ANKUB1: variants seen among roughly 807,000 people sequenced by gnomAD.
ANKUB1 encodes the protein protein ANKUB1.
A neutral mutation model predicts 49.3 loss-of-function variants in ANKUB1; 42 were observed. The ratio of observed to expected loss-of-function variants is 0.85; its 90% CI spans 0.67 to 1.10. The LOEUF (loss-of-function observed/expected upper bound fraction) is 1.10. ANKUB1 is among the 50% of genes least tolerant of loss of function. The pLI, the probability that ANKUB1 is intolerant of heterozygous loss-of-function variation, is 0.00. For synonymous variants in ANKUB1, 222 were observed against 231.0 expected (o/e 0.96, Z 0.35); for missense variants, 613 against 642.0 (o/e 0.95, Z 0.49).
intron 5 of ANKUB1, 135 bp from the exon 6 acceptor site, chr3:149,761,748 G>A: frequency 1.1e-6 from 1 of 949,000 alleles, no homozygotes; most frequent in Non-Finnish European, 1.5e-6. Flanking sequence ...ATGTGAAATA[G>A]AAACAGTAAT....
At chr3:149,765,781 G>T (rs1716985552) in intron 5 of ANKUB1, among the ~76,000 whole-genome samples, 1 of 152,106 alleles carries the variant, frequency 6.6e-6, no homozygotes, top group South Asian at 2.1e-4. Flanking sequence ...TATATTTCTA[G>T]AATTTTTGGT....
At chr3:149,784,844 A>G (rs1162654876) in intron 2 of ANKUB1, among the ~76,000 whole-genome samples, 1 of 152,196 alleles carries the variant, frequency 6.6e-6, no homozygotes, top group East Asian at 1.9e-4. Context: ...TGAATTGCAG[A>G]CAATCATATA....
chr3:149,781,578 C>T (rs1260809501), intron 2 of ANKUB1, among the ~76,000 whole-genome samples: 1 of 152,186 alleles, frequency 6.6e-6, no homozygotes, highest in Non-Finnish European at 1.5e-5. Flanking sequence ...TCAATGCTGT[C>T]TTGCCCCTCC....
chr3:149,764,310 A>C (rs1415565613), intron 5 of ANKUB1, among the ~76,000 whole-genome samples: 2 of 152,094 alleles, frequency 1.3e-5, no homozygotes, highest in East Asian at 3.8e-4. Context: ...GAGATTGTAG[A>C]TCTCTCCTTC....
At chr3:149,766,784 C>T (rs1460399316) in intron 5 of ANKUB1, 13 of 1,071,672 alleles carry the variant, frequency 1.2e-5, no homozygotes, top group South Asian at 1.2e-4. Flanking sequence ...AGCAACAGAA[C>T]GAGACCCTGT....
At chr3:149,764,616 T>TTTCCTTCCTCCCTCCCTCC (rs1716927687) in intron 5 of ANKUB1, among the ~76,000 whole-genome samples, 1 of 35,208 alleles carries the variant, frequency 2.8e-5, no homozygotes, top group Non-Finnish European at 5.2e-5. Context: ...CCCTCCCTCC[T>TTTCCTTCCTCCCTCCCTCC]CTCCTCCCTT....
At chr3:149,785,190 A>G (rs1356605299) in intron 2 of ANKUB1, among the ~76,000 whole-genome samples, 1 of 152,184 alleles carries the variant, frequency 6.6e-6, no homozygotes, top group East Asian at 1.9e-4. Context: ...TACCATAGAA[A>G]ATATTGATTA....
At chr3:149,772,741 G>T (rs546261634) in intron 3 of ANKUB1, among the ~76,000 whole-genome samples, 1 of 152,158 alleles carries the variant, frequency 6.6e-6, no homozygotes, top group African/African-American at 2.4e-5. Context: ...AGTGGTCCCT[G>T]GCTTATGGTG....
intron 2 of ANKUB1, among the ~76,000 whole-genome samples, chr3:149,788,029 C>T (rs1438829381): frequency 6.6e-6 from 1 of 152,254 alleles, no homozygotes; most frequent in Non-Finnish European, 1.5e-5. Flanking sequence ...TTCAGGGATT[C>T]ATTCCCTCCC....
At chr3:149,791,040 A>G in intron 1 of ANKUB1, 116 bp from the exon 2 acceptor site, 1 of 1,056,710 alleles carries the variant, frequency 9.5e-7, no homozygotes, top group Non-Finnish European at 1.3e-6. Context: ...TTTGGGACAA[A>G]GGGAAGAAGT....
intron 4 of ANKUB1, among the ~76,000 whole-genome samples, chr3:149,769,467 T>C (rs563111339): frequency 6.6e-6 from 1 of 152,346 alleles, no homozygotes; most frequent in East Asian, 1.9e-4. Context: ...AATGTGAAAT[T>C]GGCAAGATAC....
intron 5 of ANKUB1, among the ~76,000 whole-genome samples, chr3:149,764,706 T>TTC (rs886253952): frequency 6.6e-6 from 1 of 150,482 alleles, no homozygotes; most frequent in Non-Finnish European, 1.5e-5. Flanking sequence ...CTTCCTCTCT[T>TTC]TCTCTCTTTC....
chr3:149,772,718 G>A (rs1013200998), intron 3 of ANKUB1, among the ~76,000 whole-genome samples: 4 of 152,174 alleles, frequency 2.6e-5, no homozygotes, highest in Admixed American at 2.0e-4. Context: ...CTGCCACTGT[G>A]CCTGCTTTCC....
chr3:149,763,041 T>C (rs1716844798), intron 5 of ANKUB1, among the ~76,000 whole-genome samples: 1 of 152,222 alleles, frequency 6.6e-6, no homozygotes, highest in Non-Finnish European at 1.5e-5. Flanking sequence ...TAACCCTGTA[T>C]AAAAGTACCA....
intron 5 of ANKUB1, chr3:149,766,793 G>C (rs1291145633): frequency 1.8e-6 from 2 of 1,114,146 alleles, no homozygotes; most frequent in Non-Finnish European, 1.3e-6. Context: ...ACGAGACCCT[G>C]TCTCAAACAA....
intron 1 of ANKUB1, among the ~76,000 whole-genome samples, chr3:149,791,883 T>C (rs868651169): frequency 6.6e-6 from 1 of 152,214 alleles, no homozygotes; most frequent in Non-Finnish European, 1.5e-5. Flanking sequence ...TTCTGTTCTT[T>C]GTAGTTGTTT....
intron 1 of ANKUB1, 59 bp from the exon 2 acceptor site, chr3:149,790,983 T>A: frequency 6.8e-7 from 1 of 1,470,410 alleles, no homozygotes. Context: ...AGACCAGAAA[T>A]GTACTCTCTT....
chr3:149,771,925 C>T (rs950178351), intron 3 of ANKUB1, among the ~76,000 whole-genome samples: 3 of 152,038 alleles, frequency 2.0e-5, no homozygotes, highest in Non-Finnish European at 4.4e-5. Context: ...CATTATCTTT[C>T]ACCCAACCTG....
At chr3:149,765,508 ACT>A (rs1716972865) in intron 5 of ANKUB1, among the ~76,000 whole-genome samples, 1 of 152,024 alleles carries the variant, frequency 6.6e-6, no homozygotes, top group African/African-American at 2.4e-5. Flanking sequence ...AACAACAGAC[ACT>A]GTCAGCTTTT....
Sources: allele counts gnomAD v4.1 joint callset (sites outside exome capture counted in the v4.1 genomes callset), GRCh38; gene constraint gnomAD v4.1.1; transcripts MANE v1.5; gene names NCBI Gene and HGNC (gene_info 2026-07-23, HGNC 2026-07-21).